Variants in SOD2 observed in about 807,000 individuals in gnomAD.
The protein encoded by SOD2 is superoxide dismutase 2, also known as superoxide dismutase [Mn], mitochondrial.
In SOD2, 11 loss-of-function variants were observed where a neutral mutation model predicts 27.0. The observed-to-expected ratio is 0.41, with a 90% CI of 0.26 to 0.67. SOD2 has a LOEUF of 0.67. Ranked by LOEUF, SOD2 falls within the 30% of genes least tolerant of loss-of-function variation. SOD2 has a pLI of 0.34. For missense variants in SOD2, 250 were observed against 274.5 expected, an observed-to-expected ratio of 0.91 and a Z score of 0.63; for synonymous variants, 105 against 103.0, an observed-to-expected ratio of 1.02 and a Z score of -0.12.
chr6:159,737,269 G>A (rs1347939821), intron 1 of SOD2, among the ~76,000 whole-genome samples: 1 of 152,022 alleles, frequency 6.6e-6, no homozygotes, highest in South Asian at 2.1e-4. Flanking sequence ...GGCTGGTCTC[G>A]AACTCCCGGG....
At chr6:159,735,791 T>C (rs943019254) in intron 1 of SOD2, among the ~76,000 whole-genome samples, 16 of 152,192 alleles carry the variant, frequency 1.1e-4, no homozygotes, top group Non-Finnish European at 1.5e-4. Context: ...TAAAAAACTA[T>C]TGGGCAGTAG....
chr6:159,700,368 T>C (rs952193693), intron 1 of SOD2, among the ~76,000 whole-genome samples: 4 of 152,130 alleles, frequency 2.6e-5, no homozygotes, highest in African/African-American at 4.8e-5. Flanking sequence ...TTAAAATGCA[T>C]TGTTGGCCAG....
upstream of SOD2, among the ~76,000 whole-genome samples, chr6:159,748,005 A>T (rs1298146814): frequency 6.6e-6 from 1 of 152,216 alleles, no homozygotes; most frequent in Non-Finnish European, 1.5e-5. This position sits in a 1 kb window ranked among gnomAD's most constrained non-coding sequence, Gnocchi z 5.6. Flanking sequence ...TAGCATATTC[A>T]TCAAATAGTT....
In SOD2 at chr6:159,680,348, T is replaced by C. The variant is rs759159202; in HGVS notation, c.*2145A>G. The C allele has an allele frequency of 6.6e-6, 1 of 152,082 alleles. No individual in the cohort carries two copies. Among genetic ancestry groups the C allele is most frequent in the Non-Finnish European group, 1.5e-5 (1 of 68,034 alleles). The allele number at this position is 152,082 out of a possible 1,614,324, so 9.4% of individuals were successfully genotyped here. A position where few individuals can be genotyped will look rare whatever the true frequency, so the allele number is the denominator to read the frequency against. ...AAAAGCTGTTTCACTGTGACACATA[T>C]ATAATGAAAAGTAATCAGTCTCCAA... On this transcript the variant is annotated 3_prime_UTR_variant, in exon 5 of 5. Coordinates refer to ENST00000538183, the MANE Select transcript of SOD2 (RefSeq NM_000636.4).
rs1339065701 is a variant in SOD2, at chr6:159,669,671, A to T, written c.*12822T>A. ...AAAATTTTCTTAATAAAAAAATATG[A>T]TTATATCTTGCATGAATTGATCCTT... is the stretch of plus-strand genomic sequence containing the variant. On this transcript the variant is annotated 3_prime_UTR_variant, in exon 5 of 5. Coordinates refer to ENST00000538183, the MANE Select transcript of SOD2 (RefSeq NM_000636.4). The T allele has an allele frequency of 6.6e-6, 1 of 152,192 alleles. No individual in the cohort carries two copies. The highest frequency in any genetic ancestry group is 1.5e-5 in the Non-Finnish European group (1 of 68,034). 9.4% of individuals were successfully genotyped at this position (152,192 alleles called of 1,614,324 possible). A position where few individuals can be genotyped will look rare whatever the true frequency, so the allele number is the denominator to read the frequency against.
chr6:159,747,391 G>T (rs1487394843), upstream of SOD2, among the ~76,000 whole-genome samples: 1 of 152,052 alleles, frequency 6.6e-6, no homozygotes, highest in Non-Finnish European at 1.5e-5. Flanking sequence ...TAAACAGTTG[G>T]GTTATTTAAT....
chr6:159,686,540 CGGG>C (rs987552074), intron 3 of SOD2, among the ~76,000 whole-genome samples: 3 of 151,978 alleles, frequency 2.0e-5, no homozygotes, highest in African/African-American at 7.2e-5. Flanking sequence ...CCCAGCTACT[CGGG>C]AGGCTGAGGC....
upstream of SOD2, among the ~76,000 whole-genome samples, chr6:159,746,953 A>C (rs1484288578): frequency 6.6e-6 from 1 of 152,222 alleles, no homozygotes; most frequent in East Asian, 1.9e-4. Flanking sequence ...CTGTCAGTAC[A>C]TGGAGTGCAC....
chr6:159,682,684 A>G, intron 4 of SOD2, 46 bp from the exon 5 acceptor site: 1 of 1,551,196 alleles, frequency 6.4e-7, no homozygotes, highest in Non-Finnish European at 8.7e-7. Flanking sequence ...GTTTCAGTCT[A>G]AAACATTGCA....
At chr6:159,744,718 C>G in intron 1 of SOD2, among the ~76,000 whole-genome samples, 1 of 151,890 alleles carries the variant, frequency 6.6e-6, no homozygotes, top group Non-Finnish European at 1.5e-5. Context: ...TTTTTTCCCA[C>G]TAACCCCCCC....
At chr6:159,692,403 C>T (rs372043513) in intron 2 of SOD2, 6 of 1,384,574 alleles carry the variant, frequency 4.3e-6, no homozygotes, top group African/African-American at 1.5e-5. Flanking sequence ...GAATGTGGCT[C>T]ACAACAGTAA....
At chr6:159,686,350 G>GA (rs892006825) in intron 3 of SOD2, among the ~76,000 whole-genome samples, 1 of 151,804 alleles carries the variant, frequency 6.6e-6, no homozygotes, top group Non-Finnish European at 1.5e-5. Flanking sequence ...ACTGAACTCA[G>GA]AAAAAAAATA....
Position 159,669,778 on chromosome 6 carries a change from TC to T in SOD2, c.*12714del, listed in dbSNP as rs1779616209. 1 of 152,258 alleles carries T rather than the reference TC, an allele frequency of 6.6e-6. No homozygotes were observed. Among genetic ancestry groups the T allele is most frequent in the African/African-American group, 2.4e-5 (1 of 41,470 alleles). 9.4% of individuals were successfully genotyped at this position (152,258 alleles called of 1,614,324 possible). On this transcript the variant is annotated 3_prime_UTR_variant, in exon 5 of 5. Coordinates refer to ENST00000538183, the MANE Select transcript of SOD2 (RefSeq NM_000636.4). Reference sequence around the variant, plus strand: ...CTCATGTAAGTATAGTTATTTCTGCTCTTTTTTGGCTTCCATTTGTATGCAA... The same window carrying T: ...CTCATGTAAGTATAGTTATTTCTGCTTTTTTTGGCTTCCATTTGTATGCAA...
chr6:159,712,272 C>G (rs368862736), intron 1 of SOD2, among the ~76,000 whole-genome samples: 152 of 136,930 alleles, frequency 1.1e-3, no homozygotes, highest in Non-Finnish European at 1.7e-3. Flanking sequence ...ATAACCACCA[C>G]TCACATTGCT....
At chr6:159,749,525 A>G, upstream of SOD2, 7 of 778,006 alleles carry the variant, frequency 9.0e-6, no homozygotes, top group Non-Finnish European at 1.1e-5. Flanking sequence ...GAGCAGATTC[A>G]TTTTGGAAAT....
chr6:159,761,811 C>T, exon 1 of SOD2: 1 of 226,746 alleles, frequency 4.4e-6, no homozygotes, highest in South Asian at 7.0e-5. Flanking sequence ...GTTCTGCCCG[C>T]AAGCCCAGAC....
intron 1 of SOD2, among the ~76,000 whole-genome samples, chr6:159,698,765 G>A (rs992924822): frequency 6.6e-6 from 1 of 151,658 alleles, no homozygotes; most frequent in Non-Finnish European, 1.5e-5. Context: ...TATTTTTTAT[G>A]AATATTGTGT....
intron 1 of SOD2, chr6:159,755,336 T>C (rs1583112114): frequency 6.2e-7 from 1 of 1,614,200 alleles, no homozygotes; most frequent in East Asian, 2.2e-5. Context: ...CTTTCCTTCT[T>C]CTCCAGGGAA....
At chr6:159,739,167 T>C in intron 1 of SOD2, 1 of 779,454 alleles carries the variant, frequency 1.3e-6, no homozygotes. Flanking sequence ...AATAATTTAA[T>C]GTACTTTTTG....
Sources: allele counts gnomAD v4.1 joint callset (sites outside exome capture counted in the v4.1 genomes callset), GRCh38; gene constraint gnomAD v4.1.1; non-coding constraint Gnocchi (gnomAD v3.1); transcripts MANE v1.5; gene names NCBI Gene and HGNC (gene_info 2026-07-23, HGNC 2026-07-21).